Variants in SAMTOR observed in about 807,000 individuals in gnomAD.
The protein encoded by SAMTOR is S-adenosylmethionine sensor upstream of mTORC1, also known as UPF0532 protein C7orf60.
the SAMTOR span, among the ~76,000 whole-genome samples, chr7:112,840,794 C>T: frequency 1.5e-4 from 23 of 151,902 alleles, no homozygotes; most frequent in South Asian, 2.1e-4. Flanking sequence ...GCTCAACATA[C>T]GCAAATCAAT....
chr7:112,867,578 TA>T, the SAMTOR span, among the ~76,000 whole-genome samples: 1 of 152,214 alleles, frequency 6.6e-6, no homozygotes, highest in African/African-American at 2.4e-5. Context: ...GCTGACAGTC[TA>T]AGTAAAATTA....
the SAMTOR span, among the ~76,000 whole-genome samples, chr7:112,936,710 T>C: frequency 6.6e-6 from 1 of 152,216 alleles, no homozygotes; most frequent in Non-Finnish European, 1.5e-5. Flanking sequence ...CTGTCCTTAA[T>C]ATTCAATGGC....
At chr7:112,930,636 T>C in the SAMTOR span, among the ~76,000 whole-genome samples, 1 of 152,166 alleles carries the variant, frequency 6.6e-6, no homozygotes, top group African/African-American at 2.4e-5. Context: ...GTCATAGTCC[T>C]TAAATGCATT....
At chr7:112,824,073 T>A in the SAMTOR span, among the ~76,000 whole-genome samples, 2 of 152,224 alleles carry the variant, frequency 1.3e-5, no homozygotes, top group Admixed American at 1.3e-4. Context: ...TTATTCTTGA[T>A]GCAAGTCCTT....
the SAMTOR span, among the ~76,000 whole-genome samples, chr7:112,829,725 G>A: frequency 3.9e-5 from 6 of 152,162 alleles, no homozygotes; most frequent in African/African-American, 1.4e-4. Context: ...TTTGTTACAT[G>A]GGACTAGAGC....
At chr7:112,885,008 T>C in the SAMTOR span, among the ~76,000 whole-genome samples, 13 of 152,202 alleles carry the variant, frequency 8.5e-5, no homozygotes, top group Admixed American at 2.0e-4. Flanking sequence ...TCACACACTT[T>C]GTATGCACCC....
chr7:112,902,420 AAAAAAAAAC>A, the SAMTOR span, among the ~76,000 whole-genome samples: 2 of 97,954 alleles, frequency 2.0e-5, no homozygotes, highest in African/African-American at 4.2e-5. Flanking sequence ...CCGTCTCAAA[AAAAAAAAAC>A]AAAAAAAAAC....
chr7:112,931,221 T>C, the SAMTOR span, among the ~76,000 whole-genome samples: 5 of 151,854 alleles, frequency 3.3e-5, no homozygotes, highest in Admixed American at 6.6e-5. Context: ...CAATGGTGTA[T>C]AGCAAGGTTG....
At chr7:112,890,186 A>G in the SAMTOR span, among the ~76,000 whole-genome samples, 192 of 152,320 alleles carry the variant, frequency 1.3e-3, no homozygotes, top group African/African-American at 4.3e-3. Context: ...GGTGAGGCAG[A>G]TTTGAAAAGC....
chr7:112,920,275 G>A, the SAMTOR span, among the ~76,000 whole-genome samples: 1 of 152,140 alleles, frequency 6.6e-6, no homozygotes, highest in Non-Finnish European at 1.5e-5. Context: ...TTCATCCCTG[G>A]GATGCAAGGC....
At chr7:112,917,143 GCCT>G in the SAMTOR span, among the ~76,000 whole-genome samples, 2 of 152,240 alleles carry the variant, frequency 1.3e-5, no homozygotes, top group Non-Finnish European at 2.9e-5. Context: ...CAGGCAGACT[GCCT>G]CCTCAAGTGG....
the SAMTOR span, chr7:112,832,637 A>G: frequency 1.9e-6 from 3 of 1,613,170 alleles, no homozygotes; most frequent in Non-Finnish European, 2.5e-6. Context: ...GCAGCTGCCA[A>G]CATCAAGTAA....
the SAMTOR span, among the ~76,000 whole-genome samples, chr7:112,899,789 G>GAAAAA: frequency 1.8e-5 from 2 of 113,388 alleles, no homozygotes; most frequent in Admixed American, 8.9e-5. Flanking sequence ...TGTGCTGAAG[G>GAAAAA]AAAAAAAAAA....
At chr7:112,863,127 A>T in the SAMTOR span, among the ~76,000 whole-genome samples, 1 of 152,260 alleles carries the variant, frequency 6.6e-6, no homozygotes, top group South Asian at 2.1e-4. Flanking sequence ...CCGAAATAAG[A>T]TCACACACCT....
At chr7:112,939,768 C>G in the SAMTOR span, 7 of 1,578,134 alleles carry the variant, frequency 4.4e-6, no homozygotes, top group Admixed American at 1.7e-5. Context: ...CCGCCGCCGC[C>G]GCCGCCGCCC....
At chr7:112,833,438 T>C in the SAMTOR span, among the ~76,000 whole-genome samples, 2 of 152,174 alleles carry the variant, frequency 1.3e-5, no homozygotes, top group African/African-American at 4.8e-5. Flanking sequence ...AATAAGATAA[T>C]ACATTAATAC....
At chr7:112,932,644 G>A in the SAMTOR span, among the ~76,000 whole-genome samples, 6 of 152,196 alleles carry the variant, frequency 3.9e-5, no homozygotes, top group Admixed American at 3.9e-4. Flanking sequence ...ACAGACAAAT[G>A]AACTGGTAAG....
chr7:112,899,658 G>A, the SAMTOR span, among the ~76,000 whole-genome samples: 5 of 151,622 alleles, frequency 3.3e-5, no homozygotes, highest in Non-Finnish European at 7.4e-5. Flanking sequence ...GACAAAGAAA[G>A]AATCCTAAAA....
the SAMTOR span, among the ~76,000 whole-genome samples, chr7:112,899,926 A>G: frequency 1.3e-5 from 2 of 152,166 alleles, no homozygotes; most frequent in African/African-American, 2.4e-5. Context: ...CAGAAATGCT[A>G]AAGAGAATTT....
Sources: allele counts gnomAD v4.1 joint callset (sites outside exome capture counted in the v4.1 genomes callset), GRCh38; gene constraint gnomAD v4.1.1; transcripts MANE v1.5; gene names NCBI Gene and HGNC (gene_info 2026-07-23, HGNC 2026-07-21).